The following CWC27 variants were observed in gnomAD, a reference collection of about 807,000 sequenced individuals.
The protein encoded by CWC27 is spliceosome-associated protein CWC27 homolog.
In CWC27, 47 loss-of-function variants were observed where a neutral mutation model predicts 63.6. The ratio of observed to expected loss-of-function variants is 0.74; its 90% CI spans 0.58 to 0.94. The LOEUF (loss-of-function observed/expected upper bound fraction) is 0.94, where lower values mean the gene tolerates loss of function less well. CWC27 is among the 40% of genes least tolerant of loss of function. The pLI, the probability that CWC27 is intolerant of heterozygous loss-of-function variation, is 0.00. For missense variants in CWC27, 495 were observed against 554.3 expected (o/e 0.89, Z 1.07); for synonymous variants, 175 against 179.8 (o/e 0.97, Z 0.22).
At chr5:64,782,395 C>T (rs1181869541) in intron 3 of CWC27, among the ~76,000 whole-genome samples, 2 of 151,740 alleles carry the variant, frequency 1.3e-5, no homozygotes, top group Middle Eastern at 3.4e-3. Flanking sequence ...TTGCAGTGAG[C>T]GGAGATCGCA....
In CWC27 at chr5:64,929,482, G is replaced by A. The variant is rs559958439; in HGVS notation, c.1043-42221G>A. 8.5e-5 allele frequency among the ~76,000 whole-genome samples: 13 copies of A among 152,198 alleles called. 1 individual carries two copies. The highest frequency in any genetic ancestry group is 3.1e-4 in the African/African-American group (13 of 41,516). Reference sequence around the variant, plus strand: ...CACTGTTAAATCTGGAATTACTTGGGTTTCAGATAATTGAGAACACACAAC... The same window carrying A: ...CACTGTTAAATCTGGAATTACTTGGATTTCAGATAATTGAGAACACACAAC... On this transcript the variant is annotated intron_variant, in intron 11 of 13. Transcript: ENST00000381070.
chr5:64,905,228 C>CTAATGAAT (rs1476047714), intron 11 of CWC27, among the ~76,000 whole-genome samples: 3 of 140,482 alleles, frequency 2.1e-5, no homozygotes, highest in Non-Finnish European at 3.0e-5. Context: ...AAAAAAACAC[C>CTAATGAAT]TAATGAATGC....
intron 11 of CWC27, among the ~76,000 whole-genome samples, chr5:64,937,780 T>G (rs1748386149): frequency 6.6e-6 from 1 of 152,208 alleles, no homozygotes; most frequent in African/African-American, 2.4e-5. Context: ...GGTGCTCCTG[T>G]ATTGGTTGCA....
At chr5:64,792,584 G>T (rs1252612998) in intron 7 of CWC27, among the ~76,000 whole-genome samples, 2 of 151,772 alleles carry the variant, frequency 1.3e-5, no homozygotes, top group Non-Finnish European at 2.9e-5. Flanking sequence ...CTGTACATTT[G>T]CCTTTTAAAC....
At chr5:64,977,861 G>C (rs1749256690) in intron 13 of CWC27, among the ~76,000 whole-genome samples, 1 of 149,416 alleles carries the variant, frequency 6.7e-6, no homozygotes, top group Non-Finnish European at 1.5e-5. Context: ...ACACCCCTCT[G>C]TCCTCAAGTT....
At chr5:64,945,135 A>G (rs1748564792) in intron 11 of CWC27, among the ~76,000 whole-genome samples, 1 of 151,878 alleles carries the variant, frequency 6.6e-6, no homozygotes. Context: ...TCATTCCCTT[A>G]CCTCTCAGGT....
chr5:64,842,058 T>C (rs1191713937), intron 10 of CWC27, among the ~76,000 whole-genome samples: 1 of 152,214 alleles, frequency 6.6e-6, no homozygotes, highest in Non-Finnish European at 1.5e-5. Flanking sequence ...CTGCCATCTA[T>C]TTTTGAAATG....
At chr5:64,826,703 G>T (rs58618034) in intron 10 of CWC27, among the ~76,000 whole-genome samples, 51,575 of 141,732 alleles carry the variant, frequency 0.36, 9,389 homozygotes, top group East Asian at 0.52. Flanking sequence ...GTGTTTTTTT[G>T]TTTTTTTTTT....
chr5:64,776,419 T>C (rs1743457910), intron 2 of CWC27, among the ~76,000 whole-genome samples: 1 of 152,080 alleles, frequency 6.6e-6, no homozygotes, highest in South Asian at 2.1e-4. Context: ...AATGTGACAG[T>C]GAAGAAGAAA....
Position 64,935,242 on chromosome 5 carries a change from C to T in CWC27, c.1043-36461C>T, listed in dbSNP as rs183293428. ...TAGGGTTTTATGGTCCTAGGTTTTA[C>T]GTTTAAGTCTTTAATCCATCTTGAG... On this transcript the variant is annotated intron_variant, in intron 11 of 13. Transcript: ENST00000381070. Among the ~76,000 whole-genome samples, 70 of 152,232 alleles carry T rather than the reference C, an allele frequency of 4.6e-4. 1 individual carries two copies. In the East Asian group the frequency reaches 9.8e-3, roughly 21 times the overall value.
intron 11 of CWC27, among the ~76,000 whole-genome samples, chr5:64,910,969 A>T (rs1035003303): frequency 6.6e-6 from 1 of 152,162 alleles, no homozygotes; most frequent in South Asian, 2.1e-4. Context: ...CCATTGTCCA[A>T]CCAGTCCCAG....
At chr5:65,012,206 G>A (rs560986173) in intron 13 of CWC27, among the ~76,000 whole-genome samples, 158 of 152,246 alleles carry the variant, frequency 1.0e-3, no homozygotes, top group Non-Finnish European at 2.2e-3. Flanking sequence ...TATTCCCAAA[G>A]TTAAATCCAT....
intron 10 of CWC27, among the ~76,000 whole-genome samples, chr5:64,860,541 G>T (rs1395566793): frequency 6.6e-6 from 1 of 152,044 alleles, no homozygotes; most frequent in African/African-American, 2.4e-5. Context: ...TTTACTTTTG[G>T]CTGTTTTGAC....
chr5:64,889,853 C>T (rs1747181722), intron 11 of CWC27, among the ~76,000 whole-genome samples: 2 of 152,070 alleles, frequency 1.3e-5, no homozygotes, highest in African/African-American at 4.8e-5. Flanking sequence ...AAGGCCTGTG[C>T]ATAAGGTTGT....
intron 12 of CWC27, among the ~76,000 whole-genome samples, chr5:64,976,217 G>A (rs765961288): frequency 3.5e-4 from 53 of 152,086 alleles, no homozygotes; most frequent in African/African-American, 1.2e-3. Context: ...CATCTTGTGC[G>A]TAAGCCATTT....
At chr5:64,863,673 T>G (rs1489161685) in intron 10 of CWC27, among the ~76,000 whole-genome samples, 1 of 152,024 alleles carries the variant, frequency 6.6e-6, no homozygotes. Flanking sequence ...TTTTAAATTT[T>G]TTGCCACTCC....
chr5:64,986,841 G>T (rs1749443276), intron 13 of CWC27, among the ~76,000 whole-genome samples: 1 of 152,138 alleles, frequency 6.6e-6, no homozygotes, highest in Non-Finnish European at 1.5e-5. Flanking sequence ...ATGATTCTCT[G>T]TAGTTGCCTG....
intron 11 of CWC27, among the ~76,000 whole-genome samples, chr5:64,888,439 TA>T (rs1747131149): frequency 6.8e-6 from 1 of 146,360 alleles, no homozygotes; most frequent in African/African-American, 2.5e-5. Flanking sequence ...TGTCAACATA[TA>T]TAAATAATGT....
intron 10 of CWC27, among the ~76,000 whole-genome samples, chr5:64,821,343 A>G (rs1276781728): frequency 6.6e-6 from 1 of 152,148 alleles, no homozygotes; most frequent in Non-Finnish European, 1.5e-5. Flanking sequence ...CCGGCCAACA[A>G]AGTAATTTTT....
Sources: allele counts gnomAD v4.1 joint callset (sites outside exome capture counted in the v4.1 genomes callset), GRCh38; gene constraint gnomAD v4.1.1; transcripts MANE v1.5; gene names NCBI Gene and HGNC (gene_info 2026-07-23, HGNC 2026-07-21).